NEK1: variants seen among roughly 807,000 people sequenced by gnomAD.
The protein encoded by NEK1 is serine/threonine-protein kinase Nek1.
NEK1 carries 137 observed loss-of-function variants against 182.1 expected under a neutral mutation model. That is an observed-to-expected ratio of 0.75 (90% CI 0.65 to 0.87). NEK1 has a LOEUF of 0.87. NEK1 is among the 40% of genes least tolerant of loss of function. The pLI is 0.00. For synonymous variants in NEK1, 513 were observed against 492.2 expected (o/e 1.04, Z -0.56); for missense variants, 1,391 against 1,494.4 (o/e 0.93, Z 1.14).
chr4:169,602,764 CT>C, intron 2 of NEK1, 86 bp from the exon 3 acceptor site: 1 of 562,116 alleles, frequency 1.8e-6, no homozygotes, highest in Non-Finnish European at 3.1e-6. Context: ...AATTCTAATT[CT>C]TTAGTGATTT....
At chr4:169,602,807 T>C (rs1770713162) in intron 2 of NEK1, 129 bp from the exon 3 acceptor site, 1 of 521,736 alleles carries the variant, frequency 1.9e-6, no homozygotes, top group Non-Finnish European at 3.4e-6. Flanking sequence ...ATTTAATATA[T>C]TCACTAAAAG....
Position 169,561,839 on chromosome 4 carries a change from TTTTG to T in NEK1, c.1129_1132del (p.Gln377ArgfsTer7), listed in dbSNP as rs1465322547. On this transcript the variant is annotated frameshift_variant, in exon 14 of 36. Transcript: ENST00000507142. LOFTEE classifies it high-confidence loss of function. ...ACAAGAGCAAAAAACTACCTGATCC[TTTTG>T]TTTCTTTTCTTTTTCAATAAATTCC... 2.5e-6 allele frequency: 4 copies of T among 1,610,238 alleles called. No homozygotes were observed. Among genetic ancestry groups the T allele is most frequent in the South Asian group, 2.2e-5 (2 of 89,768 alleles).
intron 19 of NEK1, among the ~76,000 whole-genome samples, chr4:169,515,321 A>G (rs1356768378): frequency 1.3e-5 from 2 of 152,118 alleles, no homozygotes; most frequent in South Asian, 2.1e-4. Context: ...GTGTTTAGCT[A>G]TTCTATATCC....
chr4:169,436,730 G>T (rs560849437), intron 28 of NEK1, among the ~76,000 whole-genome samples: 2 of 152,340 alleles, frequency 1.3e-5, no homozygotes, highest in East Asian at 3.9e-4. Context: ...GTAGGGTGTG[G>T]CCTCAGGGCA....
At chr4:169,509,250 A>G (rs567567418) in intron 19 of NEK1, among the ~76,000 whole-genome samples, 3 of 152,294 alleles carry the variant, frequency 2.0e-5, no homozygotes, top group Non-Finnish European at 2.9e-5. Flanking sequence ...ACAAAATAAG[A>G]TATTTGAGAT....
rs570521584 is a variant in NEK1, at chr4:169,432,315, C to T, written c.2885+1230G>A. On this transcript the variant is annotated intron_variant, in intron 29 of 35. Coordinates refer to ENST00000507142, the MANE Select transcript of NEK1 (RefSeq NM_001199397.3). ...TTTCTGAAAGTGTAAACCAGTACAACCTCCAGGAGAACAATAACCAAATTA... is the reference window on the plus strand; with the variant it reads ...TTTCTGAAAGTGTAAACCAGTACAATCTCCAGGAGAACAATAACCAAATTA... 6.6e-5 allele frequency among the ~76,000 whole-genome samples: 10 copies of T among 152,244 alleles called. No individual in the cohort carries two copies. In the East Asian group the frequency reaches 1.9e-3, roughly 29 times the overall value.
chr4:169,507,399 A>T (rs1015328895), intron 22 of NEK1, among the ~76,000 whole-genome samples: 4 of 152,114 alleles, frequency 2.6e-5, no homozygotes, highest in African/African-American at 7.2e-5. Flanking sequence ...AATTTAAAAC[A>T]ATTATTATAC....
At chr4:169,491,477 A>G (rs1197253645) in intron 23 of NEK1, among the ~76,000 whole-genome samples, 3 of 152,200 alleles carry the variant, frequency 2.0e-5, no homozygotes, top group Admixed American at 1.3e-4. Context: ...TGCTAATTAA[A>G]AAAACCCTGC....
At chr4:169,576,840 T>C (rs746609780) in intron 12 of NEK1, 88 bp downstream of exon 12, 22 of 1,245,696 alleles carry the variant, frequency 1.8e-5, no homozygotes, top group Non-Finnish European at 2.4e-5. Context: ...AAAGTAATCC[T>C]ATAATATCAA....
In NEK1 at chr4:169,586,429, A is replaced by C. The variant is rs144568792; in HGVS notation, c.607-880T>G. Among the ~76,000 whole-genome samples, 61 of 152,192 alleles carry C rather than the reference A, an allele frequency of 4.0e-4. No individual in the cohort carries two copies. In the East Asian group the frequency reaches 0.011, roughly 28 times the overall value. ...AAATGCAGAAAAGATGTGGTTCTCT[A>C]TTCCAATGCACTTTCGTTTATCTCT... On this transcript the variant is annotated intron_variant, in intron 9 of 35. Coordinates refer to ENST00000507142, the MANE Select transcript of NEK1 (RefSeq NM_001199397.3).
At chr4:169,562,068 T>C in intron 13 of NEK1, 69 bp downstream of exon 13, 1 of 1,264,142 alleles carries the variant, frequency 7.9e-7, no homozygotes, top group Non-Finnish European at 1.1e-6. Flanking sequence ...GGCTTTATAG[T>C]AAGATTTTGT....
intron 12 of NEK1, among the ~76,000 whole-genome samples, chr4:169,569,401 T>C (rs534494830): frequency 6.6e-5 from 10 of 152,142 alleles, no homozygotes; most frequent in Non-Finnish European, 1.3e-4. Context: ...CAGCTGCTTT[T>C]AAACATTAAG....
At chr4:169,500,994 G>T (rs1375528301) in intron 23 of NEK1, among the ~76,000 whole-genome samples, 1 of 152,170 alleles carries the variant, frequency 6.6e-6, no homozygotes, top group African/African-American at 2.4e-5. Context: ...CCAACCATCT[G>T]CTATCTTCAA....
intron 19 of NEK1, 122 bp downstream of exon 19, chr4:169,537,687 A>T: frequency 1.3e-6 from 1 of 758,932 alleles, no homozygotes; most frequent in Non-Finnish European, 2.3e-6. Flanking sequence ...GAGTATCTTT[A>T]CTGCCTCTTA....
At chr4:169,602,854 C>T (rs1770721804) in intron 2 of NEK1, among the ~76,000 whole-genome samples, 176 bp from the exon 3 acceptor site, 2 of 151,996 alleles carry the variant, frequency 1.3e-5, no homozygotes, top group South Asian at 4.1e-4. Flanking sequence ...AACCTAATTA[C>T]ATCCAAAAAA....
chr4:169,455,464 C>T (rs1158514470), intron 27 of NEK1, among the ~76,000 whole-genome samples: 1 of 151,950 alleles, frequency 6.6e-6, no homozygotes, highest in Non-Finnish European at 1.5e-5. Context: ...GCAGAAGTAA[C>T]TATACTTACA....
intron 27 of NEK1, among the ~76,000 whole-genome samples, chr4:169,448,098 G>A (rs1234299148): frequency 6.6e-6 from 1 of 151,878 alleles, no homozygotes; most frequent in Non-Finnish European, 1.5e-5. Flanking sequence ...ACAAGCAGTG[G>A]GACATGCTTG....
chr4:169,441,793 C>T (rs933848009), intron 27 of NEK1, among the ~76,000 whole-genome samples: 1 of 151,768 alleles, frequency 6.6e-6, no homozygotes, highest in African/African-American at 2.4e-5. Flanking sequence ...TCAACCAGTC[C>T]TGCCCAACAT....
At chr4:169,521,581 A>C (rs1225400711) in intron 19 of NEK1, among the ~76,000 whole-genome samples, 2 of 152,134 alleles carry the variant, frequency 1.3e-5, no homozygotes, top group Non-Finnish European at 2.9e-5. Flanking sequence ...GTCTCTTTTT[A>C]TCTCTTTGTC....
Sources: allele counts gnomAD v4.1 joint callset (sites outside exome capture counted in the v4.1 genomes callset), GRCh38; gene constraint gnomAD v4.1.1; transcripts MANE v1.5; gene names NCBI Gene and HGNC (gene_info 2026-07-23, HGNC 2026-07-21).